Variants in SLC9C1 observed in about 807,000 individuals in gnomAD.
SLC9C1 encodes solute carrier family 9 member C1, also known as sodium/hydrogen exchanger 10.
In SLC9C1, 97 loss-of-function variants were observed where a neutral mutation model predicts 140.9. The observed-to-expected ratio is 0.69, with a 90% CI of 0.58 to 0.82. The LOEUF is 0.82. SLC9C1 is among the 40% of genes least tolerant of loss of function. The pLI is 0.00. For synonymous variants in SLC9C1, 440 were observed against 442.6 expected, an observed-to-expected ratio of 0.99 and a Z score of 0.07; for missense variants, 1,340 against 1,389.3, an observed-to-expected ratio of 0.96 and a Z score of 0.56.
chr3:112,271,786 A>G (rs2080084819), intron 6 of SLC9C1, among the ~76,000 whole-genome samples: 1 of 152,126 alleles, frequency 6.6e-6, no homozygotes, highest in Non-Finnish European at 1.5e-5. Context: ...AGTTGGGTGA[A>G]TCTCCTGCAT....
At chr3:112,202,171 A>G (rs2077921599) in intron 18 of SLC9C1, 79 bp downstream of exon 18, 2 of 1,503,432 alleles carry the variant, frequency 1.3e-6, no homozygotes, top group South Asian at 1.2e-5. Flanking sequence ...ACATCTGCAT[A>G]TATGAACAGA....
chr3:112,160,332 C>A (rs1488347846), intron 26 of SLC9C1, among the ~76,000 whole-genome samples: 1 of 151,210 alleles, frequency 6.6e-6, no homozygotes, highest in South Asian at 2.1e-4. Context: ...AGGTTAGTTA[C>A]ATATGTGTAC....
At position 112,153,019 on chromosome 3, in the gene SLC9C1, T is replaced by A. The variant is rs181366907; in HGVS notation, c.3418-1056A>T. ...CCCCACACCTTTGGTGGACTTTTTATTATGTAAAGGGAAAGCCACAGTCCT... is the reference window on the plus strand; with the variant it reads ...CCCCACACCTTTGGTGGACTTTTTAATATGTAAAGGGAAAGCCACAGTCCT... On this transcript the variant is annotated intron_variant, in intron 27 of 28. Coordinates refer to ENST00000305815, the MANE Select transcript of SLC9C1 (RefSeq NM_183061.3). Among the ~76,000 whole-genome samples the A allele has an allele frequency of 2.5e-3, 383 of 152,228 alleles. 1 individual carries two copies. Among genetic ancestry groups the A allele is most frequent in the Middle Eastern group, 6.8e-3 (2 of 294 alleles).
chr3:112,286,688 A>G lies in SLC9C1; in HGVS notation c.88+16T>C, dbSNP rs745984849. The G allele has an allele frequency of 3.6e-5, 58 of 1,589,416 alleles. No individual in the cohort carries two copies. The highest frequency in any genetic ancestry group is 4.9e-5 in the Non-Finnish European group (57 of 1,168,232). Reference sequence around the variant, plus strand: ...ACCGGAAGAATAAACTCAGATAAAGAGAGAGTGATACTTACCTCCAATGGA... The same window carrying G: ...ACCGGAAGAATAAACTCAGATAAAGGGAGAGTGATACTTACCTCCAATGGA... On this transcript the variant is annotated intron_variant, in intron 2 of 28. Coordinates refer to ENST00000305815, the MANE Select transcript of SLC9C1 (RefSeq NM_183061.3).
At chr3:112,261,352 A>G (rs1392768810) in intron 10 of SLC9C1, among the ~76,000 whole-genome samples, 4 of 152,122 alleles carry the variant, frequency 2.6e-5, no homozygotes, top group Non-Finnish European at 2.9e-5. Context: ...TTTAAAATTA[A>G]TAAGAGCTAA....
chr3:112,285,829 T>C (rs115061827), intron 2 of SLC9C1, among the ~76,000 whole-genome samples: 4,356 of 152,298 alleles, frequency 0.029, 91 homozygotes, highest in South Asian at 0.057. Flanking sequence ...TGCAGTGGCA[T>C]GATCTTGGCT....
chr3:112,236,787 G>A (rs1223136700), intron 12 of SLC9C1, among the ~76,000 whole-genome samples: 2 of 152,208 alleles, frequency 1.3e-5, no homozygotes, highest in Admixed American at 6.5e-5. Context: ...TTTTGAGTGA[G>A]TTTCTTAATC....
At chr3:112,212,787 A>G (rs990676892) in intron 15 of SLC9C1, among the ~76,000 whole-genome samples, 1 of 152,246 alleles carries the variant, frequency 6.6e-6, no homozygotes, top group Non-Finnish European at 1.5e-5. Context: ...ACTCTGCAGG[A>G]TATTATCCAG....
At chr3:112,268,621 G>A (rs1315951682) in intron 7 of SLC9C1, among the ~76,000 whole-genome samples, 1 of 151,888 alleles carries the variant, frequency 6.6e-6, no homozygotes, top group African/African-American at 2.4e-5. Flanking sequence ...GCCATTAAAG[G>A]GTCTTGCTGA....
At chr3:112,150,411 T>C (rs1444105427) in intron 28 of SLC9C1, among the ~76,000 whole-genome samples, 1 of 152,140 alleles carries the variant, frequency 6.6e-6, no homozygotes, top group Non-Finnish European at 1.5e-5. Context: ...AGGGAAGCTC[T>C]CTACTTCTCT....
chr3:112,150,813 TACATATAC>T (rs2074943984), intron 28 of SLC9C1, among the ~76,000 whole-genome samples: 1 of 37,820 alleles, frequency 2.6e-5, no homozygotes, highest in South Asian at 1.5e-3. Flanking sequence ...TATATATAAA[TACATATAC>T]ATATATATAT....
intron 15 of SLC9C1, among the ~76,000 whole-genome samples, chr3:112,214,732 A>G (rs1021733461): frequency 7.9e-5 from 12 of 152,198 alleles, no homozygotes; most frequent in Admixed American, 7.2e-4. Context: ...TTACCAACCA[A>G]AAGAAGTCCA....
chr3:112,216,919 G>A (rs1452281854), intron 15 of SLC9C1, among the ~76,000 whole-genome samples: 1 of 152,136 alleles, frequency 6.6e-6, no homozygotes. Context: ...TGTTTATTGT[G>A]GCACTATTCA....
chr3:112,183,362 T>TTTTTTTTTTTTTTTTTTG, intron 20 of SLC9C1, among the ~76,000 whole-genome samples: 1 of 143,114 alleles, frequency 7.0e-6, no homozygotes, highest in African/African-American at 2.6e-5. Flanking sequence ...TTTTTTTTTT[T>TTTTTTTTTTTTTTTTTTG]TTTTTTTTCA....
intron 18 of SLC9C1, 121 bp downstream of exon 18, chr3:112,202,129 A>T: frequency 8.8e-7 from 1 of 1,131,678 alleles, no homozygotes; most frequent in Non-Finnish European, 1.3e-6. Context: ...TTAAGTTTTT[A>T]AAGAAATGAA....
Position 112,141,211 on chromosome 3 carries a change from C to T in SLC9C1, c.*61G>A, listed in dbSNP as rs1336736895. The T allele has an allele frequency of 2.0e-6, 3 of 1,488,678 alleles. No homozygotes were observed. Among genetic ancestry groups the T allele is most frequent in the Non-Finnish European group, 2.7e-6 (3 of 1,114,558 alleles). The allele number at this position is 1,488,678 out of a possible 1,614,324, so 92.2% of individuals were successfully genotyped here. The stretch of plus-strand genomic sequence containing the variant: ...CTTCTTGATGTAGGGAAGTGTGTTT[C>T]TGCAGCAGGAGGCCTCTCATAGCCA... On this transcript the variant is annotated 3_prime_UTR_variant, in exon 29 of 29. Transcript: ENST00000305815.
At chr3:112,248,246 A>C (rs1002753370) in intron 10 of SLC9C1, among the ~76,000 whole-genome samples, 6 of 151,902 alleles carry the variant, frequency 3.9e-5, no homozygotes, top group Non-Finnish European at 8.8e-5. Flanking sequence ...GCTTAGAAGC[A>C]GATTCTCTAG....
chr3:112,267,327 A>G (rs1258020940), intron 7 of SLC9C1, among the ~76,000 whole-genome samples: 1 of 152,086 alleles, frequency 6.6e-6, no homozygotes, highest in Non-Finnish European at 1.5e-5. Context: ...CTGTAATCCC[A>G]GCACTTTGGG....
intron 20 of SLC9C1, among the ~76,000 whole-genome samples, chr3:112,191,921 G>A (rs1232805801): frequency 6.6e-6 from 1 of 151,862 alleles, no homozygotes; most frequent in Admixed American, 6.6e-5. Context: ...AGACTACCAT[G>A]TGTGTTTATG....
Sources: allele counts gnomAD v4.1 joint callset (sites outside exome capture counted in the v4.1 genomes callset), GRCh38; gene constraint gnomAD v4.1.1; transcripts MANE v1.5; gene names NCBI Gene and HGNC (gene_info 2026-07-23, HGNC 2026-07-21).